BMX: variants seen among roughly 807,000 people sequenced by gnomAD.
The protein encoded by BMX is BMX non-receptor tyrosine kinase.
Under a neutral mutation model 59.2 loss-of-function variants are expected in BMX, and 31 were observed. That is an observed-to-expected ratio of 0.52 (90% CI 0.39 to 0.71). The LOEUF is 0.71. Ranked by LOEUF, BMX falls within the 30% of genes least tolerant of loss-of-function variation. The pLI, the probability that BMX is intolerant of heterozygous loss-of-function variation, is 0.00. For synonymous variants in BMX, 185 were observed against 181.0 expected, an observed-to-expected ratio of 1.02 and a Z score of -0.18; for missense variants, 474 against 491.7, an observed-to-expected ratio of 0.96 and a Z score of 0.34.
chrX:15,516,069 C>CAACGTTTGCT, intron 4 of BMX, 43 bp from the exon 5 acceptor site: 1 of 1,197,774 alleles, frequency 8.3e-7, no homozygotes, highest in Admixed American at 2.2e-5. Flanking sequence ...CCTCTTGGAT[C>CAACGTTTGCT]AACGTTTGCT....
intron 17 of BMX, among the ~76,000 whole-genome samples, chrX:15,547,167 A>C (rs1299376287): frequency 8.9e-6 from 1 of 112,057 alleles, no homozygotes; most frequent in Non-Finnish European, 1.9e-5. Context: ...AAAAGGGATA[A>C]ATCTACTCAG....
chrX:15,524,968 T>C (rs1924639580), intron 7 of BMX, among the ~76,000 whole-genome samples: 1 of 112,155 alleles, frequency 8.9e-6, no homozygotes, highest in African/African-American at 3.2e-5. Context: ...ACAGAATGCT[T>C]GCATATATAT....
chrX:15,554,332 G>A (rs1926327207), intron 18 of BMX, among the ~76,000 whole-genome samples: 1 of 111,928 alleles, frequency 8.9e-6, no homozygotes, highest in Non-Finnish European at 1.9e-5. Flanking sequence ...TGGCATCTTA[G>A]TGCAGCTTTA....
Position 15,522,534 on chromosome X carries a change from G to A in BMX, c.699G>A (p.Gln233=). Residue 233 remains glutamine (Q), a synonymous_variant, in exon 7 of 19, where the codon CAG becomes CAA. Coordinates refer to ENST00000348343, the MANE Select transcript of BMX (RefSeq NM_203281.3). ...IYGSQPNFNM[Q]YIPREDFPDW... ...GCTCCCAGCCAAACTTCAACATGCA[G>A]TATATTCCAAGGGAAGACTTCCCTG... 3.3e-6 allele frequency: 4 copies of A among 1,211,994 alleles called. No homozygotes were observed. Among genetic ancestry groups the A allele is most frequent in the Non-Finnish European group, 4.5e-6 (4 of 895,459 alleles).
At chrX:15,533,327 T>A (rs1043122419) in intron 11 of BMX, among the ~76,000 whole-genome samples, 1 of 111,920 alleles carries the variant, frequency 8.9e-6, no homozygotes, top group Non-Finnish European at 1.9e-5. Flanking sequence ...TTATTTTTTC[T>A]GCTCTTCTCC....
intron 9 of BMX, among the ~76,000 whole-genome samples, chrX:15,529,358 G>A (rs1259898809): frequency 1.8e-5 from 2 of 111,434 alleles, no homozygotes; most frequent in Admixed American, 1.9e-4. Flanking sequence ...TTCCTCTGCA[G>A]ATGTTATCTT....
At chrX:15,509,158 A>G (rs1923848087) in intron 2 of BMX, among the ~76,000 whole-genome samples, 171 bp from the exon 3 acceptor site, 1 of 110,605 alleles carries the variant, frequency 9.0e-6, no homozygotes, top group African/African-American at 3.3e-5. Flanking sequence ...AGACTCAAGG[A>G]ATAGATTATG....
At position 15,522,487 on chromosome X, in the gene BMX, A is replaced by T. The variant is rs1203889554; in HGVS notation, c.652A>T (p.Ser218Cys). 4.1e-6 allele frequency: 5 copies of T among 1,211,035 alleles called. No individual in the cohort carries two copies. Among genetic ancestry groups the T allele is most frequent in the Non-Finnish European group, 3.4e-6 (3 of 895,438 alleles). ...SSSTSLAQYD[S>C]NSKKIYGSQP... Reference sequence around the variant, plus strand: ...AAGTACCAGTCTAGCGCAATATGACAGCAACTCAAAGAAAATCTATGGCTC... The same window carrying T: ...AAGTACCAGTCTAGCGCAATATGACTGCAACTCAAAGAAAATCTATGGCTC... The change falls in exon 7 of 19, where the codon AGC becomes TGC. Residue 218 changes from serine to cysteine, a missense_variant. By Grantham distance (112) the Ser-to-Cys change is moderately radical. Transcript: ENST00000348343.
chrX:15,532,165 T>C (rs978034793), intron 11 of BMX, among the ~76,000 whole-genome samples: 4 of 111,018 alleles, frequency 3.6e-5, no homozygotes. Flanking sequence ...ACTATTATTG[T>C]TGTTGTTGTT....
At chrX:15,510,817 G>A (rs1202880630) in intron 3 of BMX, among the ~76,000 whole-genome samples, 1 of 112,503 alleles carries the variant, frequency 8.9e-6, no homozygotes, top group African/African-American at 3.2e-5. Flanking sequence ...GAATAAACTA[G>A]AGAAGGATCT....
chrX:15,514,047 A>G (rs960876184), intron 4 of BMX, among the ~76,000 whole-genome samples: 5 of 111,587 alleles, frequency 4.5e-5, no homozygotes, highest in Non-Finnish European at 7.5e-5. Flanking sequence ...GACTGTTGCA[A>G]TGTAGACTTT....
At chrX:15,514,159 A>T (rs1361455621) in intron 4 of BMX, among the ~76,000 whole-genome samples, 2 of 112,021 alleles carry the variant, frequency 1.8e-5, no homozygotes, top group African/African-American at 3.2e-5. Context: ...CTTAGAGAGC[A>T]GGAAGGCAAG....
chrX:15,526,730 C>T (rs1425499235), intron 9 of BMX, among the ~76,000 whole-genome samples: 2 of 108,897 alleles, frequency 1.8e-5, no homozygotes, highest in East Asian at 2.9e-4. Flanking sequence ...AGATTACAGG[C>T]GCCTGCCACC....
intron 16 of BMX, among the ~76,000 whole-genome samples, chrX:15,546,133 C>T (rs1201301516): frequency 8.9e-6 from 1 of 112,280 alleles, no homozygotes; most frequent in African/African-American, 3.2e-5. Flanking sequence ...ACATTGGGAA[C>T]ATTGAGGTTG....
chrX:15,505,621 GA>G (rs375867667), intron 1 of BMX, among the ~76,000 whole-genome samples: 1 of 112,166 alleles, frequency 8.9e-6, no homozygotes, highest in African/African-American at 3.2e-5. Flanking sequence ...ATCTTAAAAT[GA>G]AAGCAAAAAA....
At chrX:15,540,856 A>G (rs1364970544) in intron 14 of BMX, among the ~76,000 whole-genome samples, 2 of 111,418 alleles carry the variant, frequency 1.8e-5, no homozygotes, top group African/African-American at 6.5e-5. Context: ...AATACAATGT[A>G]GAACAGAAAA....
rs745602815 is a variant in BMX at position 15,509,431 on chromosome X, C to G, written c.241C>G (p.Gln81Glu). The change falls in exon 3 of 19, where the codon CAG (glutamine) becomes GAG (glutamate). Residue 81 changes from glutamine (Q) to glutamate (E), a missense_variant and splice_region_variant. Transcript: ENST00000348343. The stretch of plus-strand genomic sequence containing the variant: ...GCCTGTAGAGAGACAGTACCCATTT[C>G]AGGTAAAGGGAAGAACGACATTGCA... ...QTPVERQYPF[Q>E]IVYKDGLLYV... 1 of 1,182,325 alleles carries G rather than the reference C, an allele frequency of 8.5e-7. No individual in the cohort carries two copies. Among genetic ancestry groups the G allele is most frequent in the Non-Finnish European group, 1.1e-6 (1 of 872,857 alleles).
Position 15,525,337 on chromosome X carries a change from G to A in BMX, c.802G>A (p.Val268Met). ...VASSNQKERN[V>M]NHTTSKISWE... is the part of the protein sequence containing the mutation. ...AAGCAGTAACCAAAAAGAAAGAAAT[G>A]TGAATCACACCACCTCAAAGATTTC... Residue 268 changes from valine to methionine, a missense_variant, in exon 8 of 19, where the codon GTG becomes ATG. Transcript: ENST00000348343. 1 of 1,209,342 alleles carries A rather than the reference G, an allele frequency of 8.3e-7. No homozygotes were observed. Among genetic ancestry groups the A allele is most frequent in the Non-Finnish European group, 1.1e-6 (1 of 893,595 alleles).
chrX:15,551,215 T>C (rs1000510959), intron 18 of BMX, among the ~76,000 whole-genome samples: 2 of 111,742 alleles, frequency 1.8e-5, no homozygotes, highest in African/African-American at 6.5e-5. Flanking sequence ...ATGTTCATAA[T>C]CATTATATGG....
Sources: allele counts gnomAD v4.1 joint callset (sites outside exome capture counted in the v4.1 genomes callset), GRCh38; gene constraint gnomAD v4.1.1; transcripts MANE v1.5; gene names NCBI Gene and HGNC (gene_info 2026-07-23, HGNC 2026-07-21).